The following SHISA9 variants were observed in gnomAD, a reference collection of about 807,000 sequenced individuals.
The protein encoded by SHISA9 is protein shisa-9.
SHISA9 carries 13 observed loss-of-function variants against 38.0 expected under a neutral mutation model. That is an observed-to-expected ratio of 0.34 (90% CI 0.22 to 0.54). The LOEUF (loss-of-function observed/expected upper bound fraction) is 0.54. SHISA9 is among the 20% of genes least tolerant of loss of function. The pLI is 0.91. For missense variants in SHISA9, 538 were observed against 575.8 expected, an observed-to-expected ratio of 0.93 and a Z score of 0.67; for synonymous variants, 275 against 242.0, an observed-to-expected ratio of 1.14 and a Z score of -1.27.
chr16:13,275,173 C>G, the SHISA9 span, among the ~76,000 whole-genome samples: 1 of 152,076 alleles, frequency 6.6e-6, no homozygotes, highest in African/African-American at 2.4e-5. Flanking sequence ...GGTGTTCACT[C>G]TACATTGTTT....
chr16:13,538,386 G>C, the SHISA9 span, among the ~76,000 whole-genome samples: 266 of 152,198 alleles, frequency 1.7e-3, 1 homozygote, highest in African/African-American at 6.0e-3. Flanking sequence ...CAAGAAAAAT[G>C]GTATTATTAT....
At chr16:13,557,747 ACC>A in the SHISA9 span, among the ~76,000 whole-genome samples, 4 of 151,998 alleles carry the variant, frequency 2.6e-5, no homozygotes, top group Admixed American at 2.0e-4. Flanking sequence ...AGCAATCTCT[ACC>A]CAGGAAGGAG....
At chr16:13,071,140 C>T (rs1056009102) in intron 2 of SHISA9, among the ~76,000 whole-genome samples, 1 of 152,156 alleles carries the variant, frequency 6.6e-6, no homozygotes, top group African/African-American at 2.4e-5. Context: ...TATTTAATGA[C>T]AGAGAACCGT....
chr16:13,025,744 T>A (rs1295586494), intron 2 of SHISA9, among the ~76,000 whole-genome samples: 3 of 152,190 alleles, frequency 2.0e-5, no homozygotes, highest in Non-Finnish European at 4.4e-5. Flanking sequence ...TTTTTTTATT[T>A]TTTACTTTTT....
At chr16:13,417,687 G>T in the SHISA9 span, among the ~76,000 whole-genome samples, 1 of 152,312 alleles carries the variant, frequency 6.6e-6, no homozygotes, top group South Asian at 2.1e-4. Context: ...CCCACCATTG[G>T]AGGCTACCTC....
chr16:13,465,824 G>A, the SHISA9 span, among the ~76,000 whole-genome samples: 15 of 152,322 alleles, frequency 9.8e-5, no homozygotes, highest in African/African-American at 3.6e-4. Flanking sequence ...TGGCCAATGG[G>A]TCAAATGTGG....
chr16:13,544,648 G>A, the SHISA9 span, among the ~76,000 whole-genome samples: 1 of 152,002 alleles, frequency 6.6e-6, no homozygotes, highest in Non-Finnish European at 1.5e-5. Flanking sequence ...GAGCCTTGTA[G>A]AATAGAAGAC....
chr16:13,167,299 C>T (rs139664071), intron 2 of SHISA9, among the ~76,000 whole-genome samples: 350 of 152,010 alleles, frequency 2.3e-3, no homozygotes, highest in African/African-American at 7.9e-3. Context: ...ATTGAACTCC[C>T]GACCTCAGGT....
At chr16:13,372,094 T>C in the SHISA9 span, among the ~76,000 whole-genome samples, 3 of 152,220 alleles carry the variant, frequency 2.0e-5, no homozygotes, top group Non-Finnish European at 4.4e-5. Context: ...TGCCCGCGGA[T>C]TGATATTTAG....
At chr16:13,118,730 CTTTTTTTTT>C (rs34471353) in intron 2 of SHISA9, among the ~76,000 whole-genome samples, 3 of 130,762 alleles carry the variant, frequency 2.3e-5, no homozygotes, top group African/African-American at 8.7e-5. Flanking sequence ...TTTCTTTTTT[CTTTTTTTTT>C]TTTTTTTGAG....
the SHISA9 span, among the ~76,000 whole-genome samples, chr16:13,487,634 T>C: frequency 1.3e-5 from 2 of 152,368 alleles, no homozygotes; most frequent in African/African-American, 4.8e-5. Context: ...ACATGAGATT[T>C]GGGTGGGACA....
intron 2 of SHISA9, among the ~76,000 whole-genome samples, chr16:13,109,309 C>T (rs553833609): frequency 3.3e-5 from 5 of 152,244 alleles, no homozygotes; most frequent in Non-Finnish European, 5.9e-5. Flanking sequence ...TGCGGGCAGG[C>T]ATCACCATGC....
At chr16:13,561,559 G>A in the SHISA9 span, among the ~76,000 whole-genome samples, 2 of 152,192 alleles carry the variant, frequency 1.3e-5, no homozygotes, top group Non-Finnish European at 2.9e-5. Flanking sequence ...TTTACTTGGG[G>A]TTTGTGCCAA....
In SHISA9 at chr16:13,220,723, C is replaced by T. The variant is rs936639397; in HGVS notation, c.895+7423C>T. On this transcript the variant is annotated intron_variant, in intron 4 of 4. Transcript: ENST00000558583. ...TGCACAGGAAGGCAGTGAGTGGATG[C>T]AGTTCCATCCAGAACCCTGTGTGGG... 1.9e-3 allele frequency among the ~76,000 whole-genome samples: 282 copies of T among 152,306 alleles called. 4 individuals are homozygous for T. The highest frequency in any genetic ancestry group is 1.3e-3 in the Non-Finnish European group (89 of 68,006).
At chr16:13,549,743 G>T in the SHISA9 span, among the ~76,000 whole-genome samples, 1 of 152,108 alleles carries the variant, frequency 6.6e-6, no homozygotes, top group East Asian at 1.9e-4. Context: ...TTAGAGCTGA[G>T]GCCAGGTGTG....
At chr16:13,144,405 C>G (rs889817557) in intron 2 of SHISA9, among the ~76,000 whole-genome samples, 4 of 152,046 alleles carry the variant, frequency 2.6e-5, no homozygotes, top group African/African-American at 9.7e-5. Flanking sequence ...CCTGCCTCGG[C>G]CTCCCAAAGT....
chr16:13,436,532 TA>T, the SHISA9 span, among the ~76,000 whole-genome samples: 1 of 152,214 alleles, frequency 6.6e-6, no homozygotes, highest in Non-Finnish European at 1.5e-5. Flanking sequence ...ACCACAAAAA[TA>T]GTCAATCAGC....
At chr16:12,930,063 T>A (rs575497723) in intron 2 of SHISA9, among the ~76,000 whole-genome samples, 1 of 152,296 alleles carries the variant, frequency 6.6e-6, no homozygotes, top group African/African-American at 2.4e-5. Flanking sequence ...ATATACTACC[T>A]AAAGTCATCT....
the SHISA9 span, among the ~76,000 whole-genome samples, chr16:13,333,924 C>T: frequency 2.6e-5 from 4 of 152,312 alleles, no homozygotes; most frequent in South Asian, 6.2e-4. Flanking sequence ...AAGGTTGTTT[C>T]ATCTAGCTCC....
Sources: gnomAD v4.1 joint callset for allele counts (sites outside exome capture counted in the v4.1 genomes callset) on GRCh38, gnomAD v4.1.1 for gene constraint, MANE v1.5 for transcripts, NCBI Gene and HGNC (gene_info 2026-07-23, HGNC 2026-07-21) for gene names.